Variants in ELAVL2 observed in about 807,000 individuals in gnomAD.
ELAVL2 encodes the protein ELAV like RNA binding protein 2.
Under a neutral mutation model 34.6 loss-of-function variants are expected in ELAVL2, and 4 were observed. The ratio of observed to expected loss-of-function variants is 0.12; its 90% CI spans 0.06 to 0.26. The LOEUF is 0.26. Among genes scored for constraint, ELAVL2 ranks in the 10% least tolerant of loss-of-function variants. The pLI is 1.00. For synonymous variants in ELAVL2, 193 were observed against 154.8 expected (o/e 1.25, Z -1.83); for missense variants, 432 against 442.8 (o/e 0.98, Z 0.22).
rs1375618623 is a variant in ELAVL2 at position 23,693,497 on chromosome 9, C to G, written c.714-11G>C. ...AGCAGATTGTCCAACCTGCAAAACA[C>G]ACATTTAGCAAACTTCAGTTTTTAA... On this transcript the variant is annotated splice_polypyrimidine_tract_variant and intron_variant, in intron 5 of 6. Transcript: ENST00000397312. The G allele has an allele frequency of 6.2e-7, 1 of 1,614,106 alleles. No homozygotes were observed. Among genetic ancestry groups the G allele is most frequent in the Admixed American group, 1.7e-5 (1 of 60,014 alleles).
chr9:23,699,139 C>G (rs1026807503), intron 5 of ELAVL2, among the ~76,000 whole-genome samples: 1 of 152,046 alleles, frequency 6.6e-6, no homozygotes, highest in Non-Finnish European at 1.5e-5. Flanking sequence ...ACAGAATGGG[C>G]CAGAAAAAGA....
chr9:23,783,074 A>G (rs764192924), intron 1 of ELAVL2, among the ~76,000 whole-genome samples: 1 of 152,162 alleles, frequency 6.6e-6, no homozygotes, highest in African/African-American at 2.4e-5. Flanking sequence ...TTCATTTTCT[A>G]TGCATCCAAC....
chr9:23,735,104 T>TAAAAAAAAA (rs1178542473), intron 2 of ELAVL2: 1 of 2,880 alleles, frequency 3.5e-4, no homozygotes, highest in Non-Finnish European at 7.7e-4. Flanking sequence ...CTAAGGCTCT[T>TAAAAAAAAA]CAAAAAAAAA....
chr9:23,814,454 G>C (rs1256699177), intron 1 of ELAVL2, among the ~76,000 whole-genome samples: 2 of 152,150 alleles, frequency 1.3e-5, no homozygotes, highest in African/African-American at 2.4e-5. Context: ...GAAGGCTGTG[G>C]GTAGTTCAAA....
At chr9:23,790,156 G>A (rs1049929845) in intron 1 of ELAVL2, among the ~76,000 whole-genome samples, 3 of 151,942 alleles carry the variant, frequency 2.0e-5, no homozygotes, top group Non-Finnish European at 4.4e-5. Flanking sequence ...AGGCAGGTCC[G>A]AGTGCTGTTT....
intron 3 of ELAVL2, among the ~76,000 whole-genome samples, chr9:23,723,794 TA>T (rs1273189544): frequency 6.6e-6 from 1 of 152,124 alleles, no homozygotes; most frequent in Non-Finnish European, 1.5e-5. Flanking sequence ...TGAGCTGTTA[TA>T]AGGGTTCTGC....
the ELAVL2 span, among the ~76,000 whole-genome samples, chr9:23,835,689 G>A: frequency 6.6e-6 from 1 of 152,066 alleles, no homozygotes; most frequent in African/African-American, 2.4e-5. Flanking sequence ...TTATAGTTTT[G>A]CAGTTCCCTC....
intron 1 of ELAVL2, among the ~76,000 whole-genome samples, chr9:23,803,564 T>A (rs1244992746): frequency 2.0e-5 from 3 of 152,154 alleles, no homozygotes; most frequent in Non-Finnish European, 2.9e-5. Context: ...TCAGTTTTCC[T>A]CACACTAAGC....
chr9:23,820,414 GGA>G (rs1354166479), intron 1 of ELAVL2, among the ~76,000 whole-genome samples: 2 of 152,112 alleles, frequency 1.3e-5, no homozygotes, highest in African/African-American at 2.4e-5. Context: ...AGGGAATAAA[GGA>G]GAGTGGACAA....
chr9:23,721,545 T>C (rs1343148365), intron 3 of ELAVL2, among the ~76,000 whole-genome samples: 3 of 152,150 alleles, frequency 2.0e-5, no homozygotes, highest in Non-Finnish European at 4.4e-5. Context: ...ATTGCAGCAT[T>C]CAAAAGAGTT....
chr9:23,786,802 A>AAAAC (rs1554747169), intron 1 of ELAVL2, among the ~76,000 whole-genome samples: 3 of 127,328 alleles, frequency 2.4e-5, no homozygotes, highest in South Asian at 2.5e-4. Context: ...AAAAAAAAAA[A>AAAAC]AGAGAGAGAG....
intron 1 of ELAVL2, among the ~76,000 whole-genome samples, chr9:23,804,850 C>T (rs867308989): frequency 6.6e-6 from 1 of 152,126 alleles, no homozygotes; most frequent in Non-Finnish European, 1.5e-5. Context: ...TTAGACAATA[C>T]ATCTTAGCAT....
chr9:23,825,603 T>C (rs2138693020), intron 1 of ELAVL2, among the ~76,000 whole-genome samples: 1 of 152,324 alleles, frequency 6.6e-6, no homozygotes, highest in Admixed American at 6.5e-5. Context: ...GCCATGGACA[T>C]TTACGAATAT....
chr9:23,817,818 C>T (rs564987371), intron 1 of ELAVL2, among the ~76,000 whole-genome samples: 33 of 152,250 alleles, frequency 2.2e-4, no homozygotes, highest in Admixed American at 1.0e-3. Context: ...GATTTTATTA[C>T]GCAAACTTTG....
intron 2 of ELAVL2, among the ~76,000 whole-genome samples, chr9:23,742,843 G>A (rs745610111): frequency 2.6e-5 from 4 of 152,138 alleles, no homozygotes; most frequent in Non-Finnish European, 2.9e-5. Context: ...AAGAGGGTAG[G>A]AGGAACATTT....
intron 5 of ELAVL2, among the ~76,000 whole-genome samples, chr9:23,694,521 C>G (rs1021351246): frequency 3.3e-5 from 5 of 151,624 alleles, no homozygotes; most frequent in African/African-American, 9.7e-5. Context: ...CCAAAGACAT[C>G]CCAGGGTTGT....
intron 5 of ELAVL2, among the ~76,000 whole-genome samples, chr9:23,697,281 G>A (rs952636859): frequency 6.6e-6 from 1 of 152,132 alleles, no homozygotes; most frequent in Non-Finnish European, 1.5e-5. Context: ...AGGGAGAGCC[G>A]ATTATTTCTC....
chr9:23,698,593 G>A (rs970005167), intron 5 of ELAVL2, among the ~76,000 whole-genome samples: 3 of 152,154 alleles, frequency 2.0e-5, no homozygotes, highest in African/African-American at 7.2e-5. Context: ...CATGTCTGCT[G>A]AAAGGTGACA....
rs762174611 is a variant in ELAVL2, at chr9:23,701,415, T to C, written c.677A>G (p.Tyr226Cys). The C allele has an allele frequency of 7.4e-6, 12 of 1,614,030 alleles. No individual in the cohort carries two copies. The Admixed American group carries it at 8.3e-5, about 11-fold the overall frequency. ...TGCCTGCTGAGCTAGCGGTCCTGGA[T>C]ACCTTCTGTTTGGAGACTGGTACAG... ...SQLYQSPNRR[Y>C]PGPLAQQAQR... Residue 226 changes from tyrosine (Y) to cysteine (C), a missense_variant, in exon 5 of 7, where the codon TAT (tyrosine) becomes TGT (cysteine). Transcript: ENST00000397312.
Sources: allele counts gnomAD v4.1 joint callset (sites outside exome capture counted in the v4.1 genomes callset), GRCh38; gene constraint gnomAD v4.1.1; transcripts MANE v1.5; gene names NCBI Gene and HGNC (gene_info 2026-07-23, HGNC 2026-07-21).